Variants in MICAL3 observed in about 807,000 individuals in gnomAD.
MICAL3 encodes [F-actin]-monooxygenase MICAL3.
In MICAL3, 62 loss-of-function variants were observed where a neutral mutation model predicts 207.4. The ratio of observed to expected loss-of-function variants is 0.30; its 90% CI spans 0.24 to 0.37. The LOEUF is 0.37. Ranked by LOEUF, MICAL3 falls within the 10% of genes least tolerant of loss-of-function variation. The pLI is 1.00. For missense variants in MICAL3, 2,368 were observed against 2,635.6 expected (o/e 0.90, Z 2.22); for synonymous variants, 1,077 against 1,069.3 (o/e 1.01, Z -0.14).
intron 29 of MICAL3, among the ~76,000 whole-genome samples, chr22:17,799,760 C>T (rs421464): frequency 0.03 from 4,585 of 152,194 alleles, 95 homozygotes; most frequent in Non-Finnish European, 0.051. Flanking sequence ...GAGGCTGGTC[C>T]GGCAGGCCCA....
intron 19 of MICAL3, among the ~76,000 whole-genome samples, chr22:17,854,271 G>A (rs558665033): frequency 9.9e-5 from 15 of 152,214 alleles, no homozygotes; most frequent in African/African-American, 3.1e-4. Flanking sequence ...GGACACACCC[G>A]ACACACCACA....
chr22:17,818,068 G>T lies in MICAL3; in HGVS notation c.4593C>A (p.Asp1531Glu), dbSNP rs747566214. Residue 1531 changes from aspartate to glutamate, a missense_variant, in exon 26 of 32, where the codon GAC becomes GAA. Around this residue, in one of 4 missense-constraint regions of MICAL3, gnomAD observed 1,770 missense variants for 1,863.2 expected, o/e 0.95. Transcript: ENST00000441493. The part of the protein sequence containing the change: ...PFADDVEDTY[D>E]DKTEDSSLQE... ...GCAGGCTTGAGTCCTCAGTCTTGTC[G>T]TCATAGGTGTCCTCCACATCATCAG... 6.2e-7 allele frequency: 1 copy of T among 1,613,068 alleles called. No individual in the cohort carries two copies. The highest frequency in any genetic ancestry group is 8.5e-7 in the Non-Finnish European group (1 of 1,179,778).
chr22:17,796,147 C>T lies in MICAL3; in HGVS notation c.5651-4846G>A, dbSNP rs188119316. On this transcript the variant is annotated intron_variant, in intron 29 of 31. Transcript: ENST00000441493. The surrounding 1 kb of genome is among the most constrained non-coding windows in gnomAD (Gnocchi z 4.4). ...CCCTCCTGAGCTCCCGAGCAGTGAG[C>T]GGGTCCTGGTCAGAGGACCCCTCCT... Among the ~76,000 whole-genome samples the T allele has an allele frequency of 6.6e-6, 1 of 152,230 alleles. No homozygotes were observed. Among genetic ancestry groups the T allele is most frequent in the East Asian group, 1.9e-4 (1 of 5,204 alleles).
chr22:18,019,334 T>C, intron 1 of MICAL3: 1 of 157,016 alleles, frequency 6.4e-6, no homozygotes, highest in Non-Finnish European at 1.5e-5. Context: ...TGGCAAATCA[T>C]TGGATATGGT....
intron 24 of MICAL3, 124 bp downstream of exon 24, chr22:17,821,906 C>A: frequency 8.0e-7 from 1 of 1,257,340 alleles, no homozygotes; most frequent in Non-Finnish European, 1.1e-6. Context: ...GAGCTGCCCA[C>A]ACCTCGGAGG....
chr22:17,840,536 G>A (rs1409734205), intron 20 of MICAL3: 2 of 152,216 alleles, frequency 1.3e-5, no homozygotes, highest in African/African-American at 4.8e-5. Flanking sequence ...TAGCCTTCCT[G>A]GAATGTCCTT....
chr22:17,901,039 G>A, intron 5 of MICAL3, 42 bp from the exon 6 acceptor site: 1 of 1,596,584 alleles, frequency 6.3e-7, no homozygotes. Context: ...TCATTGGCTA[G>A]AGAAGGAAGA....
At position 17,881,326 on chromosome 22, in the gene MICAL3, CAGAG is replaced by C. The variant is rs763497958; in HGVS notation, c.2241+4548_2241+4551del. ...TTGCTTTTACACCAACAGACACAAA[CAGAG>C]AGAACATCATTCAAACAGTGGCCAT... On this transcript the variant is annotated intron_variant, in intron 16 of 31. Coordinates refer to ENST00000441493, the MANE Select transcript of MICAL3 (RefSeq NM_015241.3). 2.9e-5 allele frequency: 46 copies of C among 1,571,420 alleles called. No individual in the cohort carries two copies. In the South Asian group the frequency reaches 3.1e-4, roughly 10 times the overall value.
rs769647662 is a variant in MICAL3, at chr22:17,906,771, G to T, written c.42C>A (p.Val14=). 6.2e-7 allele frequency: 1 copy of T among 1,613,228 alleles called. No homozygotes were observed. The highest frequency in any genetic ancestry group is 1.3e-5 in the African/African-American group (1 of 74,892). Residue 14 remains valine, a synonymous_variant, in exon 2 of 32, where the codon GTC becomes GTA. Coordinates refer to ENST00000441493, the MANE Select transcript of MICAL3 (RefSeq NM_015241.3). ...TGGCCTGGACAAACCGGTCAAAGAG[G>T]ACATGAGCTGGGTTCATGGTCTCAT... ...RKHETMNPAH[V]LFDRFVQATT...
chr22:18,000,595 G>C (rs1216348075), intron 1 of MICAL3, among the ~76,000 whole-genome samples: 1 of 152,236 alleles, frequency 6.6e-6, no homozygotes, highest in African/African-American at 2.4e-5. Context: ...GGCCAGGCAA[G>C]CCCGGTTCCG....
intron 5 of MICAL3, among the ~76,000 whole-genome samples, chr22:17,901,553 C>T (rs1456219829): frequency 1.3e-5 from 2 of 152,096 alleles, no homozygotes; most frequent in Non-Finnish European, 2.9e-5. Flanking sequence ...GCCTGTAGTC[C>T]CAGCTACTCA....
At chr22:17,914,832 C>T (rs77070084) in intron 1 of MICAL3, among the ~76,000 whole-genome samples, 1,742 of 152,300 alleles carry the variant, frequency 0.011, 35 homozygotes, top group African/African-American at 0.04. Context: ...TGGCATTCTG[C>T]GGCAGGCTCT....
chr22:17,888,058 AATT>A (rs1287042650), intron 13 of MICAL3, among the ~76,000 whole-genome samples: 2 of 152,232 alleles, frequency 1.3e-5, no homozygotes, highest in African/African-American at 4.8e-5. Flanking sequence ...TAACAACAGC[AATT>A]TTTAAAATAG....
At chr22:17,834,315 G>T (rs575550574) in intron 20 of MICAL3, 1 of 1,173,034 alleles carries the variant, frequency 8.5e-7, no homozygotes, top group African/African-American at 1.7e-5. Context: ...TCAGGGTAGT[G>T]AATCAGCTTC....
At chr22:17,950,684 C>T (rs9604810) in intron 1 of MICAL3, among the ~76,000 whole-genome samples, 7,200 of 152,268 alleles carry the variant, frequency 0.047, 280 homozygotes, top group African/African-American at 0.1. Context: ...CTGCACCACT[C>T]GGTTGCCAGG....
chr22:17,957,739 A>G (rs538037241), intron 1 of MICAL3, among the ~76,000 whole-genome samples: 82 of 140,128 alleles, frequency 5.9e-4, no homozygotes, highest in African/African-American at 2.0e-3. Flanking sequence ...AGAGAGAAAG[A>G]AAACGAGAGA....
chr22:17,945,728 G>A (rs1268392365), intron 1 of MICAL3, among the ~76,000 whole-genome samples: 2 of 152,054 alleles, frequency 1.3e-5, no homozygotes, highest in Non-Finnish European at 2.9e-5. Flanking sequence ...ATGCCTTCCA[G>A]TCTAGCCTCC....
chr22:17,866,059 A>G (rs1927076647), intron 17 of MICAL3, 47 bp from the exon 18 acceptor site: 2 of 1,405,734 alleles, frequency 1.4e-6, no homozygotes, highest in African/African-American at 2.8e-5. Context: ...CCAGGCACGG[A>G]TCCTGAACGT....
rs1238382244 is a variant in MICAL3, at chr22:17,900,026, A to G, written c.848-478T>C. ...GTAATGAAAAGAAATCAAGTTCTAG[A>G]AAACAAGAGAATGAAGGCACATTTA... On this transcript the variant is annotated intron_variant, in intron 6 of 31. Transcript: ENST00000441493. The surrounding 1 kb of genome is among the most constrained non-coding windows in gnomAD (Gnocchi z 4.0). Among the ~76,000 whole-genome samples, 1 of 152,234 alleles carries G rather than the reference A, an allele frequency of 6.6e-6. No individual in the cohort carries two copies. Among genetic ancestry groups the G allele is most frequent in the Admixed American group, 6.5e-5 (1 of 15,290 alleles).
Sources: gnomAD v4.1 joint callset for allele counts (sites outside exome capture counted in the v4.1 genomes callset) on GRCh38, gnomAD v4.1.1 for gene constraint, gnomAD v4.1.1 regional missense constraint, Gnocchi (gnomAD v3.1) non-coding constraint, MANE v1.5 for transcripts, NCBI Gene and HGNC (gene_info 2026-07-23, HGNC 2026-07-21) for gene names.